MSI2: variants seen among roughly 807,000 people sequenced by gnomAD.
MSI2 encodes the protein musashi RNA binding protein 2, also known as RNA-binding protein Musashi homolog 2.
MSI2 carries 17 observed loss-of-function variants against 45.6 expected under a neutral mutation model. The ratio of observed to expected loss-of-function variants is 0.37; its 90% CI spans 0.26 to 0.56. The LOEUF is 0.56. Ranked by LOEUF, MSI2 falls within the 20% of genes least tolerant of loss-of-function variation. MSI2 has a pLI of 0.77. For synonymous variants in MSI2, 156 were observed against 158.2 expected (o/e 0.99, Z 0.11); for missense variants, 293 against 444.2 (o/e 0.66, Z 3.06).
At chr17:57,488,999 G>T (rs1479227409) in intron 6 of MSI2, among the ~76,000 whole-genome samples, 1 of 152,120 alleles carries the variant, frequency 6.6e-6, no homozygotes, top group Admixed American at 6.6e-5. Context: ...GCAGTGTCCC[G>T]AGGCCTTCAC....
intron 5 of MSI2, among the ~76,000 whole-genome samples, chr17:57,287,535 G>C (rs9895523): frequency 0.023 from 3,518 of 152,278 alleles, 136 homozygotes; most frequent in African/African-American, 0.074. Context: ...GTTGGCCGCT[G>C]CTGCTTTCCT....
chr17:57,286,436 A>C (rs1909879847), intron 5 of MSI2, among the ~76,000 whole-genome samples: 1 of 152,074 alleles, frequency 6.6e-6, no homozygotes, highest in Admixed American at 6.5e-5. Flanking sequence ...TGATTCACTA[A>C]TTGCTCATCA....
At chr17:57,457,950 C>T (rs1307155056) in intron 6 of MSI2, among the ~76,000 whole-genome samples, 1 of 151,822 alleles carries the variant, frequency 6.6e-6, no homozygotes, top group East Asian at 1.9e-4. Flanking sequence ...ACTAAGAAGT[C>T]AGATGAATTC....
At chr17:57,538,565 C>A (rs2086971661) in intron 7 of MSI2, among the ~76,000 whole-genome samples, 1 of 152,158 alleles carries the variant, frequency 6.6e-6, no homozygotes, top group African/African-American at 2.4e-5. Flanking sequence ...GTGCCCACTC[C>A]CCACTCCCCG....
At chr17:57,464,608 C>T (rs543237816) in intron 6 of MSI2, among the ~76,000 whole-genome samples, 5 of 152,228 alleles carry the variant, frequency 3.3e-5, no homozygotes, top group South Asian at 2.1e-4. Flanking sequence ...TGCCTCGTTA[C>T]GGGGTGTGGG....
At chr17:57,506,902 T>C (rs543778632) in intron 6 of MSI2, among the ~76,000 whole-genome samples, 2 of 152,260 alleles carry the variant, frequency 1.3e-5, no homozygotes, top group East Asian at 1.9e-4. Flanking sequence ...GGTGTGTATG[T>C]TGGGGTCAGG....
chr17:57,481,400 G>A (rs8082144), intron 6 of MSI2, among the ~76,000 whole-genome samples: 1,751 of 152,254 alleles, frequency 0.012, 43 homozygotes, highest in African/African-American at 0.04. Flanking sequence ...GAGGCTGAGT[G>A]ACAAGATATG....
intron 5 of MSI2, among the ~76,000 whole-genome samples, chr17:57,346,020 A>G (rs1426473275): frequency 2.0e-5 from 3 of 152,156 alleles, no homozygotes; most frequent in African/African-American, 7.2e-5. Flanking sequence ...GGAGAAAGAG[A>G]AGGTGAAAGG....
chr17:57,327,412 T>C (rs1913889619), intron 5 of MSI2, among the ~76,000 whole-genome samples: 1 of 152,372 alleles, frequency 6.6e-6, no homozygotes, highest in South Asian at 2.1e-4. Flanking sequence ...TTCAGCAAGG[T>C]ACCTGGAATG....
chr17:57,680,116 T>C lies in MSI2; in HGVS notation c.*599T>C, dbSNP rs1013083186. ...TGAAGTGCAGGGCGGGAGGTGGGCG[T>C]GAGCTTTCTATTTTGCGTTGTAGAA... On this transcript the variant is annotated 3_prime_UTR_variant, in exon 14 of 14. Transcript: ENST00000284073. 2 of 228,102 alleles carry C rather than the reference T, an allele frequency of 8.8e-6. No individual in the cohort carries two copies. Among genetic ancestry groups the C allele is most frequent in the Non-Finnish European group, 1.7e-5 (2 of 114,818 alleles). The allele number at this position is 228,102 out of a possible 1,614,324, so 14.1% of individuals were successfully genotyped here. A position where few individuals can be genotyped will look rare whatever the true frequency, so the allele number is the denominator to read the frequency against.
At chr17:57,595,843 C>G (rs1282772596) in intron 7 of MSI2, among the ~76,000 whole-genome samples, 1 of 152,208 alleles carries the variant, frequency 6.6e-6, no homozygotes, top group Non-Finnish European at 1.5e-5. Context: ...GTTCTACCAC[C>G]TTCATTTGCA....
At chr17:57,273,482 C>T (rs58166141) in intron 5 of MSI2, among the ~76,000 whole-genome samples, 19,467 of 58,736 alleles carry the variant, frequency 0.33, 1,753 homozygotes, top group African/African-American at 0.45. Context: ...TTTTTTTTTT[C>T]TTTTACTGGA....
At chr17:57,668,958 G>A (rs117478046) in intron 11 of MSI2, among the ~76,000 whole-genome samples, 4 of 152,246 alleles carry the variant, frequency 2.6e-5, no homozygotes, top group East Asian at 3.9e-4. Context: ...CATCATTGCC[G>A]ATCTTCTCTA....
At chr17:57,653,023 C>T (rs1348812174) in intron 11 of MSI2, among the ~76,000 whole-genome samples, 1 of 152,164 alleles carries the variant, frequency 6.6e-6, no homozygotes, top group African/African-American at 2.4e-5. Flanking sequence ...CTCTGTCCCC[C>T]CACGCCCCAC....
intron 8 of MSI2, among the ~76,000 whole-genome samples, 177 bp from the exon 9 acceptor site, chr17:57,615,793 A>T (rs1365688850): frequency 1.3e-5 from 2 of 152,152 alleles, no homozygotes; most frequent in Non-Finnish European, 2.9e-5. Context: ...CAGGATTTGC[A>T]CAAGTGGCGT....
intron 7 of MSI2, among the ~76,000 whole-genome samples, chr17:57,578,285 T>C (rs2088105187): frequency 6.6e-6 from 1 of 152,202 alleles, no homozygotes; most frequent in Non-Finnish European, 1.5e-5. Flanking sequence ...CTGAAGCAAA[T>C]GAAAGTGCTT....
chr17:57,447,783 C>T (rs569047155), intron 6 of MSI2, among the ~76,000 whole-genome samples: 70 of 152,138 alleles, frequency 4.6e-4, no homozygotes, highest in Non-Finnish European at 7.8e-4. Flanking sequence ...GTTTGATCAT[C>T]GCTGTCTTCC....
chr17:57,462,842 G>A (rs762470532), intron 6 of MSI2, among the ~76,000 whole-genome samples: 1 of 152,212 alleles, frequency 6.6e-6, no homozygotes, highest in Admixed American at 6.5e-5. Flanking sequence ...TGAATTGCAA[G>A]GGCTGCTGTG....
chr17:57,379,781 C>T (rs112056476), intron 5 of MSI2, among the ~76,000 whole-genome samples: 3 of 152,104 alleles, frequency 2.0e-5, no homozygotes, highest in Non-Finnish European at 4.4e-5. Context: ...GTTCAGCACC[C>T]GGTCAGCTCT....
Sources: allele counts gnomAD v4.1 joint callset (sites outside exome capture counted in the v4.1 genomes callset), GRCh38; gene constraint gnomAD v4.1.1; transcripts MANE v1.5; gene names NCBI Gene and HGNC (gene_info 2026-07-23, HGNC 2026-07-21).